Variants in DOK5 observed in about 807,000 individuals in gnomAD.
The protein encoded by DOK5 is docking protein 5.
In DOK5, 27 loss-of-function variants were observed where a neutral mutation model predicts 43.3. That is an observed-to-expected ratio of 0.62 (90% CI 0.46 to 0.86). The LOEUF (loss-of-function observed/expected upper bound fraction) is 0.86, where lower values mean the gene tolerates loss of function less well. Among genes scored for constraint, DOK5 ranks in the 40% least tolerant of loss-of-function variants. DOK5 has a pLI of 0.00. For missense variants in DOK5, 373 were observed against 392.9 expected, an observed-to-expected ratio of 0.95 and a Z score of 0.43; for synonymous variants, 146 against 140.1, an observed-to-expected ratio of 1.04 and a Z score of -0.30.
intron 6 of DOK5, among the ~76,000 whole-genome samples, chr20:54,630,166 A>G (rs1978496312): frequency 6.6e-6 from 1 of 152,228 alleles, no homozygotes; most frequent in South Asian, 2.1e-4. Context: ...ACGCTACTGC[A>G]GTCATCTGAG....
At chr20:54,535,611 T>C (rs6023346) in intron 1 of DOK5, among the ~76,000 whole-genome samples, 8,475 of 152,170 alleles carry the variant, frequency 0.056, 246 homozygotes, top group Middle Eastern at 0.075. Context: ...ATTTGTTTTA[T>C]CTATATGGAA....
chr20:54,610,178 T>C (rs1284288343), intron 5 of DOK5, among the ~76,000 whole-genome samples: 1 of 152,262 alleles, frequency 6.6e-6, no homozygotes, highest in Non-Finnish European at 1.5e-5. Context: ...TCAGCACAGG[T>C]TAGCCTGGAG....
chr20:54,570,078 G>A (rs1471056733), intron 2 of DOK5, among the ~76,000 whole-genome samples: 1 of 152,156 alleles, frequency 6.6e-6, no homozygotes, highest in Non-Finnish European at 1.5e-5. Flanking sequence ...CCTGCTCACT[G>A]GCACTGTATA....
At chr20:54,537,739 G>C (rs1240853321) in intron 1 of DOK5, among the ~76,000 whole-genome samples, 1 of 151,600 alleles carries the variant, frequency 6.6e-6, no homozygotes, top group Non-Finnish European at 1.5e-5. Context: ...GGAGAGGAGA[G>C]AGACATGGGA....
chr20:54,557,468 C>T (rs1455812566), intron 2 of DOK5, among the ~76,000 whole-genome samples: 5 of 152,176 alleles, frequency 3.3e-5, no homozygotes, highest in African/African-American at 9.7e-5. Context: ...TAGCCGGGTT[C>T]CTAATAGGCT....
chr20:54,519,964 G>A (rs905946032), intron 1 of DOK5, among the ~76,000 whole-genome samples: 3 of 152,072 alleles, frequency 2.0e-5, no homozygotes, highest in African/African-American at 4.8e-5. Flanking sequence ...TTTGGTCTTC[G>A]ACATCCAAGT....
At chr20:54,525,847 T>G (rs187965426) in intron 1 of DOK5, among the ~76,000 whole-genome samples, 1 of 152,242 alleles carries the variant, frequency 6.6e-6, no homozygotes, top group African/African-American at 2.4e-5. Flanking sequence ...TTAGAAGTTG[T>G]ATTCAGGCCT....
At chr20:54,572,437 C>T (rs1292687127) in intron 2 of DOK5, among the ~76,000 whole-genome samples, 4 of 152,272 alleles carry the variant, frequency 2.6e-5, no homozygotes, top group South Asian at 4.1e-4. Context: ...GCTGGGATTA[C>T]AGGCGTGAGC....
At chr20:54,648,428 G>T (rs1049678069) in intron 7 of DOK5, among the ~76,000 whole-genome samples, 3 of 152,160 alleles carry the variant, frequency 2.0e-5, no homozygotes, top group African/African-American at 7.2e-5. Flanking sequence ...AGAGCTGTTG[G>T]TTTTGAGAAG....
chr20:54,619,454 A>G (rs1387571107), intron 6 of DOK5, among the ~76,000 whole-genome samples: 1 of 152,162 alleles, frequency 6.6e-6, no homozygotes, highest in Admixed American at 6.5e-5. Context: ...GATATTCCTC[A>G]TTCCACGACT....
intron 1 of DOK5, among the ~76,000 whole-genome samples, chr20:54,510,496 G>A (rs1420199596): frequency 6.6e-6 from 1 of 152,058 alleles, no homozygotes; most frequent in East Asian, 1.9e-4. Context: ...CCACAGCCAG[G>A]CATGTATACT....
chr20:54,600,945 C>A (rs768434036), intron 5 of DOK5, among the ~76,000 whole-genome samples: 1 of 152,150 alleles, frequency 6.6e-6, no homozygotes, highest in Non-Finnish European at 1.5e-5. Context: ...CAGGCTAAAA[C>A]CAGTTACGGG....
At position 54,588,918 on chromosome 20, in the gene DOK5, G is replaced by T. The variant is rs1372226070; in HGVS notation, c.409+112G>T. ...TTTTTGGGGTATAAAAATGTATAAA[G>T]AAATAAGTAATCTTTTATCTAATCC... On this transcript the variant is annotated intron_variant, in intron 4 of 7. Transcript: ENST00000262593. 4 of 1,131,118 alleles carry T rather than the reference G, an allele frequency of 3.5e-6. No homozygotes were observed. In the Middle Eastern group the frequency reaches 8.3e-4, roughly 236 times the overall value. 70.1% of individuals were successfully genotyped at this position (1,131,118 alleles called of 1,614,324 possible).
chr20:54,637,464 CT>C (rs1385387889), intron 6 of DOK5, among the ~76,000 whole-genome samples: 1 of 152,228 alleles, frequency 6.6e-6, no homozygotes, highest in Admixed American at 6.5e-5. Context: ...CAGTGCTAAA[CT>C]CCCCTGCTGT....
chr20:54,615,934 A>C (rs1986795289), intron 6 of DOK5, among the ~76,000 whole-genome samples: 1 of 151,216 alleles, frequency 6.6e-6, no homozygotes, highest in African/African-American at 2.4e-5. Context: ...GTTCTCCCCC[A>C]GAACCTCCAG....
intron 6 of DOK5, among the ~76,000 whole-genome samples, chr20:54,633,213 T>A (rs1978652170): frequency 6.6e-6 from 1 of 152,214 alleles, no homozygotes; most frequent in Non-Finnish European, 1.5e-5. Flanking sequence ...ATAGCTGAAC[T>A]GCTGACCCAG....
intron 1 of DOK5, among the ~76,000 whole-genome samples, chr20:54,530,615 A>C (rs1191456928): frequency 6.6e-6 from 1 of 152,194 alleles, no homozygotes; most frequent in African/African-American, 2.4e-5. Context: ...AATTTGGGCC[A>C]TCCTGAGCCC....
intron 5 of DOK5, among the ~76,000 whole-genome samples, chr20:54,595,081 C>T (rs975674199): frequency 2.6e-5 from 4 of 152,110 alleles, no homozygotes; most frequent in Admixed American, 6.6e-5. Flanking sequence ...GTGGCTCATG[C>T]CTGTAATCCC....
At chr20:54,548,498 A>G (rs1253211294) in intron 1 of DOK5, among the ~76,000 whole-genome samples, 1 of 152,046 alleles carries the variant, frequency 6.6e-6, no homozygotes, top group African/African-American at 2.4e-5. Context: ...GGGCCTCCCA[A>G]TGTGCTGGAA....
Sources: gnomAD v4.1 joint callset for allele counts (sites outside exome capture counted in the v4.1 genomes callset) on GRCh38, gnomAD v4.1.1 for gene constraint, MANE v1.5 for transcripts, NCBI Gene and HGNC (gene_info 2026-07-23, HGNC 2026-07-21) for gene names.